The following HOMER1 variants were observed in gnomAD, a reference collection of about 807,000 sequenced individuals.
HOMER1 encodes homer scaffold protein 1, also known as homer protein homolog 1.
A neutral mutation model predicts 48.9 loss-of-function variants in HOMER1; 3 were observed. The observed-to-expected ratio is 0.06, with a 90% CI of 0.03 to 0.16. HOMER1 has a LOEUF of 0.16. Ranked by LOEUF, HOMER1 falls within the 10% of genes least tolerant of loss-of-function variation. The probability of loss-of-function intolerance (pLI) is 1.00; values close to 1 mark genes in which losing one functional copy is unlikely to be tolerated. For synonymous variants in HOMER1, 134 were observed against 146.4 expected (o/e 0.92, Z 0.61); for missense variants, 247 against 411.4 (o/e 0.60, Z 3.46).
rs1286473344 is a variant in HOMER1, at chr5:79,374,804, T to G, written c.*1205A>C. 1.3e-5 allele frequency: 2 copies of G among 152,102 alleles called. No homozygotes were observed. The highest frequency in any genetic ancestry group is 4.8e-5 in the African/African-American group (2 of 41,452). The allele number at this position is 152,102 out of a possible 1,614,324, so 9.4% of individuals were successfully genotyped here. A position where few individuals can be genotyped will look rare whatever the true frequency, so the allele number is the denominator to read the frequency against. On this transcript the variant is annotated 3_prime_UTR_variant, in exon 9 of 9. Transcript: ENST00000334082. ...ATTACATCAAAACAACATTAAAACC[T>G]GTTCACTGAGAAGAGCCTATTGAAT... is the stretch of plus-strand genomic sequence containing the variant.
At chr5:79,379,107 TATATATAAA>T (rs1238949580) in intron 8 of HOMER1, among the ~76,000 whole-genome samples, 1 of 96,512 alleles carries the variant, frequency 1.0e-5, no homozygotes, top group African/African-American at 4.3e-5. Context: ...TATATATATA[TATATATAAA>T]ATATATAAAT....
At chr5:79,418,331 C>T (rs78719633) in intron 5 of HOMER1, among the ~76,000 whole-genome samples, 5,386 of 152,142 alleles carry the variant, frequency 0.035, 137 homozygotes, top group Non-Finnish European at 0.05. Flanking sequence ...TTTGGTTTTC[C>T]TTCTAAAGCC....
At chr5:79,390,505 T>C (rs192592679) in intron 8 of HOMER1, among the ~76,000 whole-genome samples, 117 of 152,136 alleles carry the variant, frequency 7.7e-4, no homozygotes, top group African/African-American at 2.6e-3. Flanking sequence ...AAATTATTAA[T>C]ACAATGCACA....
At chr5:79,465,635 C>T (rs1373959870) in intron 1 of HOMER1, among the ~76,000 whole-genome samples, 4 of 132,866 alleles carry the variant, frequency 3.0e-5, no homozygotes, top group Non-Finnish European at 6.1e-5. Flanking sequence ...CTCTGTCGCC[C>T]AGGCTGGAGT....
chr5:79,412,911 T>A (rs1400282805), intron 5 of HOMER1, among the ~76,000 whole-genome samples: 1 of 152,156 alleles, frequency 6.6e-6, no homozygotes, highest in Non-Finnish European at 1.5e-5. Flanking sequence ...TAGGAGGGAC[T>A]GGAAAGGGAG....
intron 1 of HOMER1, among the ~76,000 whole-genome samples, chr5:79,471,578 G>GA (rs1751623075): frequency 2.2e-5 from 3 of 139,216 alleles, no homozygotes; most frequent in African/African-American, 5.3e-5. Flanking sequence ...AAAAAAGAAA[G>GA]AAAAAAATGG....
chr5:79,426,515 G>A (rs1318916532), intron 5 of HOMER1, among the ~76,000 whole-genome samples: 1 of 151,876 alleles, frequency 6.6e-6, no homozygotes, highest in Non-Finnish European at 1.5e-5. Flanking sequence ...TGGAACTAGA[G>A]AACATTATGT....
At chr5:79,383,358 C>T (rs190122927) in intron 8 of HOMER1, among the ~76,000 whole-genome samples, 1 of 151,778 alleles carries the variant, frequency 6.6e-6, no homozygotes, top group Admixed American at 6.6e-5. Flanking sequence ...CTTGGACAGA[C>T]TGTACTTAAC....
intron 8 of HOMER1, among the ~76,000 whole-genome samples, chr5:79,393,229 T>C (rs890564845): frequency 6.6e-6 from 1 of 152,050 alleles, no homozygotes; most frequent in Non-Finnish European, 1.5e-5. Flanking sequence ...AAAAACAAGA[T>C]CATTTCAGCT....
Position 79,416,103 on chromosome 5 carries a change from C to T in HOMER1, c.528-14048G>A, listed in dbSNP as rs186054069. On this transcript the variant is annotated intron_variant, in intron 5 of 8. Coordinates refer to ENST00000334082, the MANE Select transcript of HOMER1 (RefSeq NM_004272.5). ...AATCTTCTGCAAGCTGCTAAAAAGC[C>T]GAAAAGATTTAACATTAAATATTTT... 1.4e-4 allele frequency among the ~76,000 whole-genome samples: 22 copies of T among 152,012 alleles called. No homozygotes were observed. The East Asian group carries it at 2.3e-3, about 16-fold the overall frequency.
At chr5:79,471,892 T>C (rs1751632162) in intron 1 of HOMER1, among the ~76,000 whole-genome samples, 1 of 152,196 alleles carries the variant, frequency 6.6e-6, no homozygotes, top group African/African-American at 2.4e-5. Flanking sequence ...GCCCAGCATG[T>C]TCTTTTGTCT....
chr5:79,471,497 G>A (rs550268234), intron 1 of HOMER1, among the ~76,000 whole-genome samples: 1 of 135,234 alleles, frequency 7.4e-6, no homozygotes, highest in South Asian at 2.4e-4. Context: ...AGTGAGCCGA[G>A]ATCATGCCAT....
chr5:79,489,991 T>C (rs1244597349), intron 1 of HOMER1, among the ~76,000 whole-genome samples: 1 of 152,216 alleles, frequency 6.6e-6, no homozygotes, highest in Non-Finnish European at 1.5e-5. Flanking sequence ...GTAAGAGGTC[T>C]AGGTTGCATC....
intron 1 of HOMER1, chr5:79,510,801 G>A (rs997968250): frequency 6.2e-5 from 47 of 752,226 alleles, no homozygotes; most frequent in Non-Finnish European, 1.1e-4. Context: ...CAAAGGCCAA[G>A]GACAAGGATC....
At chr5:79,376,429 C>G (rs1224903880) in intron 8 of HOMER1, among the ~76,000 whole-genome samples, 1 of 152,074 alleles carries the variant, frequency 6.6e-6, no homozygotes, top group African/African-American at 2.4e-5. Context: ...CAACGAAAAT[C>G]TACTGACTCA....
chr5:79,510,934 C>CT, intron 1 of HOMER1: 1 of 557,344 alleles, frequency 1.8e-6, no homozygotes, highest in Non-Finnish European at 3.2e-6. Context: ...AGGACTGGTG[C>CT]GACCCCCCGC....
intron 5 of HOMER1, among the ~76,000 whole-genome samples, chr5:79,417,243 C>G (rs960026479): frequency 1.3e-5 from 2 of 151,826 alleles, no homozygotes; most frequent in Admixed American, 6.6e-5. Context: ...CCCGGGTTCA[C>G]GCCATTCTCC....
intron 1 of HOMER1, among the ~76,000 whole-genome samples, chr5:79,497,662 G>GAAAAAAAAAAAAAAAAAAAAAAAAAA (rs1212983044): frequency 1.4e-5 from 1 of 73,026 alleles, no homozygotes; most frequent in Non-Finnish European, 2.9e-5. Flanking sequence ...CTGTCTCAAA[G>GAAAAAAAAAAAAAAAAAAAAAAAAAA]AAAAAAAAAA....
chr5:79,470,699 T>C (rs1580005186), intron 1 of HOMER1, among the ~76,000 whole-genome samples: 1 of 152,286 alleles, frequency 6.6e-6, no homozygotes, highest in East Asian at 1.9e-4. Context: ...AATTCAATGT[T>C]AGTGAGAACT....
Sources: gnomAD v4.1 joint callset for allele counts (sites outside exome capture counted in the v4.1 genomes callset) on GRCh38, gnomAD v4.1.1 for gene constraint, MANE v1.5 for transcripts, NCBI Gene and HGNC (gene_info 2026-07-23, HGNC 2026-07-21) for gene names.